PHIP: variants seen among roughly 807,000 people sequenced by gnomAD.
PHIP encodes PH-interacting protein.
Under a neutral mutation model 236.8 loss-of-function variants are expected in PHIP, and 54 were observed. The observed-to-expected ratio is 0.23, with a 90% CI of 0.18 to 0.29. The LOEUF (loss-of-function observed/expected upper bound fraction) is 0.29. Among genes scored for constraint, PHIP ranks in the 10% least tolerant of loss-of-function variants. The pLI, the probability that PHIP is intolerant of heterozygous loss-of-function variation, is 1.00. For missense variants in PHIP, 1,370 were observed against 2,190.8 expected (o/e 0.63, Z 7.48); for synonymous variants, 756 against 718.9 (o/e 1.05, Z -0.83).
intron 19 of PHIP, among the ~76,000 whole-genome samples, chr6:78,993,037 G>C (rs1769371164): frequency 6.6e-6 from 1 of 152,240 alleles, no homozygotes; most frequent in South Asian, 2.1e-4. Flanking sequence ...GGAATGATAT[G>C]AAAGTGAAGC....
Position 78,947,716 on chromosome 6 carries a change from C to G in PHIP, c.4113G>C (p.Glu1371Asp). Residue 1371 changes from glutamate to aspartate, a missense_variant, in exon 36 of 40, where the codon GAG (glutamate) becomes GAC (aspartate). Around this residue, in one of 14 missense-constraint regions of PHIP, gnomAD observed 125 missense variants for 235.1 expected, o/e 0.53. Coordinates refer to ENST00000275034, the MANE Select transcript of PHIP (RefSeq NM_017934.7). ...MDFATVRETL[E>D]AGNYESPMEL... ...CCATTGGTGACTCATAATTCCCAGC[C>G]TCTAAAGTTTCTCTAACGGTAGCAA... 1.3e-6 allele frequency: 2 copies of G among 1,596,620 alleles called. No homozygotes were observed. The highest frequency in any genetic ancestry group is 1.7e-6 in the Non-Finnish European group (2 of 1,164,338).
chr6:78,944,146 G>A (rs941477325), intron 39 of PHIP, among the ~76,000 whole-genome samples: 1 of 151,978 alleles, frequency 6.6e-6, no homozygotes, highest in Non-Finnish European at 1.5e-5. Context: ...AAGGAGAAAA[G>A]AACAAAGACT....
At chr6:79,040,898 T>TC (rs1304806683) in intron 7 of PHIP, among the ~76,000 whole-genome samples, 2 of 151,512 alleles carry the variant, frequency 1.3e-5, no homozygotes, top group Non-Finnish European at 2.9e-5. Context: ...TCTTTAGACT[T>TC]TGGTAAGACC....
In PHIP at chr6:79,078,047, G is replaced by A. The variant is rs750740222; in HGVS notation, c.22C>T (p.Leu8Phe). The change falls in exon 1 of 40, where the codon CTC (leucine) becomes TTC (phenylalanine). Residue 8 changes from leucine (L) to phenylalanine (F), a missense_variant. This residue lies in a region of PHIP where 43 missense variants were observed against 53.8 expected (regional missense o/e 0.80). Transcript: ENST00000275034. MSCERKG[L>F]SELRSELYFL... ...GACTTACCCGATCGCAGCTCCGAGAGGCCTTTCCTCTCACAAGACATGTTT... is the reference window on the plus strand; with the variant it reads ...GACTTACCCGATCGCAGCTCCGAGAAGCCTTTCCTCTCACAAGACATGTTT... 1 of 1,609,388 alleles carries A rather than the reference G, an allele frequency of 6.2e-7. No homozygotes were observed. Among genetic ancestry groups the A allele is most frequent in the Non-Finnish European group, 8.5e-7 (1 of 1,179,426 alleles).
chr6:78,985,496 T>C (rs1768806483), intron 21 of PHIP, 68 bp from the exon 22 acceptor site: 1 of 827,984 alleles, frequency 1.2e-6, no homozygotes, highest in Admixed American at 1.8e-5. Context: ...TTACAGAAAA[T>C]ATCAGTGATA....
At chr6:79,042,708 G>C (rs1467809852) in intron 7 of PHIP, 135 bp downstream of exon 7, 1 of 580,126 alleles carries the variant, frequency 1.7e-6, no homozygotes, top group African/African-American at 1.9e-5. Flanking sequence ...TCTTCTGTTA[G>C]AGTAAGTGAA....
chr6:79,000,073 G>T (rs1769887654), intron 17 of PHIP, among the ~76,000 whole-genome samples: 1 of 151,892 alleles, frequency 6.6e-6, no homozygotes. Context: ...AACTCTGAGA[G>T]ATTTCCCAGA....
At position 78,936,354 on chromosome 6, in the gene PHIP, T is replaced by C. The variant is rs1279853707; in HGVS notation, c.*4339A>G. The C allele has an allele frequency of 1.3e-5, 2 of 151,918 alleles. No individual in the cohort carries two copies. The highest frequency in any genetic ancestry group is 1.5e-5 in the Non-Finnish European group (1 of 67,800). The allele number at this position is 151,918 out of a possible 1,614,324, so 9.4% of individuals were successfully genotyped here. A position where few individuals can be genotyped will look rare whatever the true frequency, so the allele number is the denominator to read the frequency against. ...GACAGGATTTAAGTTTTCTAAAAGA[T>C]CTTCAGTAAGACCCCTGTCTTCTTG... On this transcript the variant is annotated 3_prime_UTR_variant, in exon 40 of 40. Coordinates refer to ENST00000275034, the MANE Select transcript of PHIP (RefSeq NM_017934.7).
Position 78,939,063 on chromosome 6 carries a change from ATAC to A in PHIP, c.*1627_*1629del, listed in dbSNP as rs1047421897. On this transcript the variant is annotated 3_prime_UTR_variant, in exon 40 of 40. Coordinates refer to ENST00000275034, the MANE Select transcript of PHIP (RefSeq NM_017934.7). Reference sequence around the variant, plus strand: ...TTTGTACCATACCAGTCCTCAGAAAATACTACATTCTTTAAATTTTTAAAAAAA... The same window carrying A: ...TTTGTACCATACCAGTCCTCAGAAAATACATTCTTTAAATTTTTAAAAAAA... The A allele has an allele frequency of 8.6e-5, 13 of 151,836 alleles. No individual in the cohort carries two copies. Among genetic ancestry groups the A allele is most frequent in the South Asian group, 4.1e-4 (2 of 4,830 alleles). The allele number at this position is 151,836 out of a possible 1,614,324, so 9.4% of individuals were successfully genotyped here.
chr6:78,972,738 C>G (rs1242003454), intron 24 of PHIP, among the ~76,000 whole-genome samples: 1 of 152,026 alleles, frequency 6.6e-6, no homozygotes, highest in Non-Finnish European at 1.5e-5. Flanking sequence ...AATGCAGAAG[C>G]CTCAGGAGCC....
intron 31 of PHIP, among the ~76,000 whole-genome samples, chr6:78,959,853 T>TA (rs1766662400): frequency 6.6e-6 from 1 of 152,122 alleles, no homozygotes; most frequent in Admixed American, 6.6e-5. Flanking sequence ...AAATTCAAAA[T>TA]ACCATTAAGT....
At chr6:79,046,357 C>T (rs1772483687) in intron 6 of PHIP, among the ~76,000 whole-genome samples, 1 of 152,206 alleles carries the variant, frequency 6.6e-6, no homozygotes, top group East Asian at 1.9e-4. Context: ...CAGCCCCTGC[C>T]ATCACCCATA....
intron 7 of PHIP, among the ~76,000 whole-genome samples, chr6:79,035,810 T>C (rs1250337348): frequency 3.3e-5 from 5 of 152,204 alleles, no homozygotes; most frequent in African/African-American, 1.2e-4. Flanking sequence ...TTTGGTTCAA[T>C]TTTTTTCTAG....
chr6:79,073,841 G>C (rs1278044951), intron 4 of PHIP, among the ~76,000 whole-genome samples: 2 of 152,100 alleles, frequency 1.3e-5, no homozygotes, highest in Non-Finnish European at 2.9e-5. Flanking sequence ...ATGGCACTAT[G>C]AAAAGCATTT....
chr6:79,078,020 C>T lies in PHIP; in HGVS notation c.40+9G>A. On this transcript the variant is annotated intron_variant, in intron 1 of 39. Coordinates refer to ENST00000275034, the MANE Select transcript of PHIP (RefSeq NM_017934.7). ...CGGTGCCAGCGGCCCCGGCAGCCCC[C>T]CGACTTACCCGATCGCAGCTCCGAG... is the stretch of plus-strand genomic sequence containing the variant. 5.6e-6 allele frequency: 9 copies of T among 1,608,904 alleles called. No homozygotes were observed. The highest frequency in any genetic ancestry group is 1.7e-5 in the Admixed American group (1 of 59,932).
Position 78,935,727 on chromosome 6 carries a change from T to C in PHIP, c.*4966A>G. 3 of 985,274 alleles carry C rather than the reference T, an allele frequency of 3.0e-6. No homozygotes were observed. The highest frequency in any genetic ancestry group is 3.6e-6 in the Non-Finnish European group (3 of 829,804). 61.0% of individuals were successfully genotyped at this position (985,274 alleles called of 1,614,324 possible). On this transcript the variant is annotated 3_prime_UTR_variant, in exon 40 of 40. Coordinates refer to ENST00000275034, the MANE Select transcript of PHIP (RefSeq NM_017934.7). ...GCAAAACACACAGGGCACTGGAAAC[T>C]CTAATGAACCAGCATTTACATAATG...
intron 31 of PHIP, among the ~76,000 whole-genome samples, chr6:78,960,879 G>A (rs1766727041): frequency 6.6e-6 from 1 of 151,942 alleles, no homozygotes; most frequent in African/African-American, 2.4e-5. Context: ...TACAAAATAT[G>A]AATAAAGCTT....
intron 39 of PHIP, among the ~76,000 whole-genome samples, chr6:78,942,365 C>A (rs184597065): frequency 1.3e-5 from 2 of 152,144 alleles, no homozygotes; most frequent in Non-Finnish European, 2.9e-5. Context: ...TGCCTGTAAT[C>A]CCAGCTACTC....
intron 6 of PHIP, among the ~76,000 whole-genome samples, chr6:79,045,759 A>C (rs1772454569): frequency 6.6e-6 from 1 of 152,156 alleles, no homozygotes; most frequent in Non-Finnish European, 1.5e-5. Flanking sequence ...AGATAAGGGG[A>C]CACAAAAGGA....
Sources: gnomAD v4.1 joint callset for allele counts (sites outside exome capture counted in the v4.1 genomes callset) on GRCh38, gnomAD v4.1.1 for gene constraint, gnomAD v4.1.1 regional missense constraint, MANE v1.5 for transcripts, NCBI Gene and HGNC (gene_info 2026-07-23, HGNC 2026-07-21) for gene names.